Variants in PATJ observed in about 807,000 individuals in gnomAD.
PATJ encodes the protein inaD-like protein.
PATJ carries 190 observed loss-of-function variants against 224.9 expected under a neutral mutation model. The observed-to-expected ratio is 0.84, with a 90% CI of 0.75 to 0.95. The LOEUF (loss-of-function observed/expected upper bound fraction) is 0.95, where lower values mean the gene tolerates loss of function less well. Among genes scored for constraint, PATJ ranks in the 40% least tolerant of loss-of-function variants. PATJ has a pLI of 0.00. For missense variants in PATJ, 2,121 were observed against 2,270.3 expected, an observed-to-expected ratio of 0.93 and a Z score of 1.34; for synonymous variants, 769 against 820.3, an observed-to-expected ratio of 0.94 and a Z score of 1.07.
rs530648548 is a variant in PATJ at position 61,937,712 on chromosome 1, A to G, written c.3670+9883A>G. 2.6e-4 allele frequency among the ~76,000 whole-genome samples: 37 copies of G among 145,000 alleles called. 1 individual carries two copies. Among genetic ancestry groups the G allele is most frequent in the Non-Finnish European group, 3.0e-4 (20 of 66,996 alleles). ...GTTGCCCAGGCTGGAGCGCAATGGC[A>G]CGATCTCAGCTCACCACAACCTCCG... On this transcript the variant is annotated intron_variant, in intron 27 of 43. Transcript: ENST00000642238.
intron 43 of PATJ, among the ~76,000 whole-genome samples, chr1:62,153,721 ATTT>A (rs1486734080): frequency 1.3e-5 from 2 of 152,118 alleles, no homozygotes; most frequent in South Asian, 2.1e-4. Context: ...ATGCTCACAG[ATTT>A]TTAGAGTGTC....
chr1:61,933,539 CAA>C (rs796818712), intron 27 of PATJ, among the ~76,000 whole-genome samples: 31 of 71,834 alleles, frequency 4.3e-4, no homozygotes, highest in Non-Finnish European at 4.4e-4. Flanking sequence ...GACTCCATCT[CAA>C]AAAAAAAAAA....
At chr1:61,793,220 C>A (rs574695791) in intron 9 of PATJ, among the ~76,000 whole-genome samples, 1 of 152,120 alleles carries the variant, frequency 6.6e-6, no homozygotes, top group East Asian at 1.9e-4. Flanking sequence ...ACTATGGGTG[C>A]GCATGTGAAA....
At position 61,864,356 on chromosome 1, in the gene PATJ, T is replaced by C; in HGVS notation, c.2558T>C (p.Met853Thr). Residue 853 changes from methionine (M) to threonine (T), a missense_variant, in exon 20 of 44, where the codon ATG becomes ACG. By Grantham distance (81) the Met-to-Thr change is moderately conservative. Coordinates refer to ENST00000642238, the MANE Select transcript of PATJ (RefSeq NM_001350145.3). ...GAGCAAAGCAAGGAGGCCTGGGAGA[T>C]GCATGAATTTCTGACTCCTAGATTG... is the stretch of plus-strand genomic sequence containing the variant. ...EIEQSKEAWEMHEFLTPRLQE... is the reference protein window; with the variant it reads ...EIEQSKEAWETHEFLTPRLQE... The C allele has an allele frequency of 6.2e-7, 1 of 1,614,090 alleles. No homozygotes were observed. The highest frequency in any genetic ancestry group is 8.5e-7 in the Non-Finnish European group (1 of 1,179,952).
chr1:62,069,384 A>G (rs1657021273), intron 31 of PATJ, among the ~76,000 whole-genome samples: 1 of 151,954 alleles, frequency 6.6e-6, no homozygotes, highest in South Asian at 2.1e-4. Context: ...AATAATTATA[A>G]GAGCAATAAT....
intron 31 of PATJ, among the ~76,000 whole-genome samples, chr1:62,071,190 T>TA (rs1224900732): frequency 6.6e-6 from 1 of 152,220 alleles, no homozygotes; most frequent in Non-Finnish European, 1.5e-5. Context: ...GTGTCCTTTC[T>TA]AGGTCGCTTC....
Position 62,114,151 on chromosome 1 carries a change from G to A in PATJ, c.4560G>A (p.Glu1520=), listed in dbSNP as rs1475563. The A allele has an allele frequency of 0.67, 1,083,287 of 1,613,506 alleles. 367,251 individuals carry two copies. The highest frequency in any genetic ancestry group is 0.78 in the East Asian group (34,982 of 44,826). ...QKVRLVVYRD[E]AHYRDEENLE... ...TGCGGCTGGTGGTGTATAGAGATGA[G>A]GCACACTACCGGGATGAGGAGAACT... Residue 1520 remains glutamate (E), a synonymous_variant, in exon 35 of 44, where the codon GAG becomes GAA. Transcript: ENST00000642238.
At position 61,990,272 on chromosome 1, in the gene PATJ, C is replaced by G. The variant is rs756349824; in HGVS notation, c.3775C>G (p.Arg1259Gly). The G allele has an allele frequency of 1.9e-6, 3 of 1,613,874 alleles. No homozygotes were observed. The highest frequency in any genetic ancestry group is 1.7e-6 in the Non-Finnish European group (2 of 1,179,888). ...ACTCAGCCTTGCTGGTAATAAAGAC[C>G]GATCACGCATGAGCATATTTGTGGT... ...LGLSLAGNKD[R>G]SRMSIFVVGI... The change falls in exon 28 of 44, where the codon CGA (arginine) becomes GGA (glycine). Residue 1259 changes from arginine (R) to glycine (G), a missense_variant. Physicochemically the swap from Arg to Gly is moderately radical, Grantham distance 125 (BLOSUM62 -2). Transcript: ENST00000642238.
At chr1:61,927,955 AT>A (rs1372438717) in intron 27 of PATJ, 126 bp downstream of exon 27, 1 of 664,316 alleles carries the variant, frequency 1.5e-6, no homozygotes, top group Non-Finnish European at 2.5e-6. Flanking sequence ...ATGCTAAAAA[AT>A]CAAATCTATA....
At chr1:61,966,689 A>G (rs2149447203) in intron 27 of PATJ, among the ~76,000 whole-genome samples, 1 of 151,258 alleles carries the variant, frequency 6.6e-6, no homozygotes, top group African/African-American at 2.4e-5. Context: ...TTCATCTCAA[A>G]AAAAAAAAAA....
chr1:62,157,853 A>AAAT (rs1444038489), intron 43 of PATJ, among the ~76,000 whole-genome samples: 1 of 74,094 alleles, frequency 1.3e-5, no homozygotes, highest in Non-Finnish European at 3.4e-5. Context: ...AAAAAAAAAA[A>AAAT]AATAATCCAA....
At chr1:61,990,541 CTGCTTAAGTAA>C in intron 28 of PATJ, 177 bp downstream of exon 28, 1 of 453,048 alleles carries the variant, frequency 2.2e-6, no homozygotes, top group Non-Finnish European at 3.8e-6. Context: ...ATGTTATTTG[CTGCTTAAGTAA>C]AAACTAATCT....
intron 27 of PATJ, among the ~76,000 whole-genome samples, chr1:61,988,310 C>T (rs1342156249): frequency 2.6e-5 from 4 of 152,172 alleles, no homozygotes; most frequent in African/African-American, 7.2e-5. Context: ...GACCAGCAGT[C>T]GTAATGGTTG....
At chr1:61,978,255 C>T (rs898341231) in intron 27 of PATJ, among the ~76,000 whole-genome samples, 5 of 132,310 alleles carry the variant, frequency 3.8e-5, no homozygotes, top group African/African-American at 1.3e-4. Flanking sequence ...CTCCTTCCTT[C>T]CTTTATTCTT....
At chr1:61,843,280 G>A (rs959871860) in intron 17 of PATJ, among the ~76,000 whole-genome samples, 1 of 152,100 alleles carries the variant, frequency 6.6e-6, no homozygotes, top group Non-Finnish European at 1.5e-5. Context: ...TGGTTGAGAG[G>A]ACTAGCTTAC....
intron 33 of PATJ, among the ~76,000 whole-genome samples, chr1:62,098,577 G>A (rs928509519): frequency 8.0e-5 from 12 of 149,966 alleles, no homozygotes; most frequent in African/African-American, 1.2e-4. Flanking sequence ...TCTGGATAAC[G>A]GAGTGAGACC....
chr1:61,954,755 GT>G (rs1553219493), intron 27 of PATJ, among the ~76,000 whole-genome samples: 1,095 of 74,278 alleles, frequency 0.015, 9 homozygotes, highest in African/African-American at 0.038. Flanking sequence ...AAACTCTATT[GT>G]TTTTTTTTTT....
chr1:62,074,180 T>G (rs2148702632), intron 31 of PATJ, among the ~76,000 whole-genome samples: 1 of 128,862 alleles, frequency 7.8e-6, no homozygotes, highest in Admixed American at 1.0e-4. Flanking sequence ...TCTGTAAAAT[T>G]ATATGCTGAA....
chr1:61,979,536 C>G (rs1644335325), intron 27 of PATJ, among the ~76,000 whole-genome samples: 1 of 151,638 alleles, frequency 6.6e-6, no homozygotes, highest in Non-Finnish European at 1.5e-5. Flanking sequence ...ACCTGTAATC[C>G]CAGCTAGTCA....
Sources: gnomAD v4.1 joint callset for allele counts (sites outside exome capture counted in the v4.1 genomes callset) on GRCh38, gnomAD v4.1.1 for gene constraint, MANE v1.5 for transcripts, NCBI Gene and HGNC (gene_info 2026-07-23, HGNC 2026-07-21) for gene names.